SDK1: variants seen among roughly 807,000 people sequenced by gnomAD.
The protein encoded by SDK1 is sidekick cell adhesion molecule 1, also known as protein sidekick-1.
SDK1 carries 157 observed loss-of-function variants against 245.5 expected under a neutral mutation model. The ratio of observed to expected loss-of-function variants is 0.64; its 90% CI spans 0.56 to 0.73. The LOEUF is 0.73. SDK1 is among the 30% of genes least tolerant of loss of function. SDK1 has a pLI of 0.00. For missense variants in SDK1, 3,583 were observed against 3,002.3 expected, an observed-to-expected ratio of 1.19 and a Z score of -4.52; for synonymous variants, 1,647 against 1,278.5, an observed-to-expected ratio of 1.29 and a Z score of -6.15.
At chr7:3,353,503 TTC>T (rs1369783413) in intron 1 of SDK1, among the ~76,000 whole-genome samples, 1 of 152,224 alleles carries the variant, frequency 6.6e-6, no homozygotes, top group Non-Finnish European at 1.5e-5. Flanking sequence ...ATAGCATATG[TTC>T]TCTGTTTATG....
intron 4 of SDK1, among the ~76,000 whole-genome samples, chr7:3,764,409 G>A (rs1430879209): frequency 1.3e-5 from 2 of 152,180 alleles, no homozygotes; most frequent in Non-Finnish European, 2.9e-5. Flanking sequence ...TCCTAGGCCG[G>A]GCACAGTGAC....
chr7:4,262,659 C>T (rs992537347), intron 44 of SDK1, among the ~76,000 whole-genome samples: 2 of 149,018 alleles, frequency 1.3e-5, no homozygotes, highest in African/African-American at 2.5e-5. Flanking sequence ...TGATGTCACA[C>T]GATCACTTGC....
chr7:3,321,906 T>G (rs2128547653), intron 1 of SDK1, among the ~76,000 whole-genome samples: 1 of 150,498 alleles, frequency 6.6e-6, no homozygotes, highest in Admixed American at 6.6e-5. Context: ...GAGGTGAAAC[T>G]GTAGCGGAAT....
At chr7:3,826,174 A>T (rs1004826474) in intron 5 of SDK1, among the ~76,000 whole-genome samples, 1 of 152,162 alleles carries the variant, frequency 6.6e-6, no homozygotes, top group African/African-American at 2.4e-5. Flanking sequence ...GCTTTTCCGT[A>T]AACACACCAT....
Position 4,049,406 on chromosome 7 carries a change from G to A in SDK1, c.2661G>A (p.Gln887=), listed in dbSNP as rs868094731. The A allele has an allele frequency of 2.5e-6, 4 of 1,614,164 alleles. No individual in the cohort carries two copies. Among genetic ancestry groups the A allele is most frequent in the South Asian group, 2.2e-5 (2 of 91,082 alleles). ...AAGCCGTGAACTCCACCACCATTCA[G>A]TTCCTGTGGAACCCTCCGCCTCAGC... is the stretch of plus-strand genomic sequence containing the variant. ...QTEAVNSTTI[Q]FLWNPPPQQF... The change falls in exon 18 of 45, where the codon CAG becomes CAA. Residue 887 remains glutamine, a synonymous_variant. Transcript: ENST00000404826.
chr7:3,990,787 C>G (rs1258221095), intron 14 of SDK1, among the ~76,000 whole-genome samples: 1 of 152,218 alleles, frequency 6.6e-6, no homozygotes, highest in African/African-American at 2.4e-5. Flanking sequence ...GGACCGTCTT[C>G]CAAAACAGAG....
In SDK1 at chr7:3,813,051, G is replaced by A. The variant is rs17150756; in HGVS notation, c.714-8399G>A. Among the ~76,000 whole-genome samples, 753 of 152,238 alleles carry A rather than the reference G, an allele frequency of 4.9e-3. 7 individuals carry two copies. The highest frequency in any genetic ancestry group is 0.018 in the African/African-American group (730 of 41,552). On this transcript the variant is annotated intron_variant, in intron 4 of 44. Transcript: ENST00000404826. Reference sequence around the variant, plus strand: ...ACTCTGGCGACTTAACATGTACTGAGCATTCAGGGACTCATTAGTGCCAAA... The same window carrying A: ...ACTCTGGCGACTTAACATGTACTGAACATTCAGGGACTCATTAGTGCCAAA...
chr7:3,854,659 A>G (rs892667173), intron 5 of SDK1, among the ~76,000 whole-genome samples: 4 of 152,226 alleles, frequency 2.6e-5, no homozygotes, highest in Non-Finnish European at 5.9e-5. Flanking sequence ...AAAACATAGA[A>G]GTGACAATTT....
At chr7:3,677,365 G>T (rs190826419) in intron 4 of SDK1, among the ~76,000 whole-genome samples, 1 of 152,330 alleles carries the variant, frequency 6.6e-6, no homozygotes, top group East Asian at 1.9e-4. Flanking sequence ...AATTTATAAA[G>T]GAAAGAGTTT....
intron 44 of SDK1, among the ~76,000 whole-genome samples, chr7:4,252,747 C>G (rs534851862): frequency 2.0e-5 from 3 of 151,498 alleles, no homozygotes; most frequent in African/African-American, 7.3e-5. Flanking sequence ...GTGAAGTCCT[C>G]TGGTCTCGGG....
chr7:3,439,385 A>G (rs982891800), intron 1 of SDK1, among the ~76,000 whole-genome samples: 6 of 152,202 alleles, frequency 3.9e-5, no homozygotes, highest in Non-Finnish European at 7.3e-5. Context: ...CTGTTCCTCT[A>G]GAGACTACTG....
At chr7:4,062,268 A>C (rs1284338590) in intron 19 of SDK1, among the ~76,000 whole-genome samples, 1 of 152,200 alleles carries the variant, frequency 6.6e-6, no homozygotes, top group African/African-American at 2.4e-5. Flanking sequence ...TCAGAAATGC[A>C]AAAGGAGACA....
At chr7:3,396,895 A>G (rs1016381746) in intron 1 of SDK1, among the ~76,000 whole-genome samples, 2 of 151,442 alleles carry the variant, frequency 1.3e-5, no homozygotes, top group Non-Finnish European at 3.0e-5. Context: ...CCTTTTCATT[A>G]TATGTTTTCT....
At chr7:4,067,997 C>G in intron 20 of SDK1, 61 bp downstream of exon 20, 1 of 1,273,182 alleles carries the variant, frequency 7.9e-7, no homozygotes. Context: ...AAAGAAGTGG[C>G]TGTCACTTCA....
intron 5 of SDK1, among the ~76,000 whole-genome samples, chr7:3,838,829 C>A (rs1258011623): frequency 1.3e-5 from 2 of 152,100 alleles, no homozygotes; most frequent in Admixed American, 1.3e-4. Flanking sequence ...GTAGAGAAAT[C>A]CTTTAATATA....
chr7:4,176,082 A>G (rs1446273685), intron 34 of SDK1, among the ~76,000 whole-genome samples: 5 of 152,086 alleles, frequency 3.3e-5, no homozygotes, highest in Non-Finnish European at 7.3e-5. Context: ...AAAGCCAGAT[A>G]GAACAAGATC....
intron 4 of SDK1, among the ~76,000 whole-genome samples, chr7:3,718,962 G>A (rs961558229): frequency 5.3e-5 from 8 of 152,222 alleles, no homozygotes; most frequent in South Asian, 4.1e-4. Context: ...AATCCATCAC[G>A]TTTCTATATA....
chr7:3,728,012 G>C (rs938771349), intron 4 of SDK1, among the ~76,000 whole-genome samples: 2 of 152,132 alleles, frequency 1.3e-5, no homozygotes, highest in African/African-American at 4.8e-5. Context: ...GTTTGAAGGG[G>C]CACTGGTTAG....
Position 4,079,492 on chromosome 7 carries a change from A to C in SDK1, c.3232A>C (p.Ile1078Leu), listed in dbSNP as rs749235972. ...DLPGAPSNLV[I>L]SNISPRSATL... The stretch of plus-strand genomic sequence containing the variant: ...TCCTGGTGCCCCATCCAACCTGGTC[A>C]TTTCCAACATCAGCCCTCGCTCCGC... Residue 1078 changes from isoleucine (I) to leucine (L), a missense_variant, in exon 22 of 45, where the codon ATT becomes CTT. Physicochemically the swap from Ile to Leu is conservative, Grantham distance 5. Coordinates refer to ENST00000404826, the MANE Select transcript of SDK1 (RefSeq NM_152744.4). 3 of 1,614,224 alleles carry C rather than the reference A, an allele frequency of 1.9e-6. No individual in the cohort carries two copies. The highest frequency in any genetic ancestry group is 2.5e-6 in the Non-Finnish European group (3 of 1,180,040).
Sources: gnomAD v4.1 joint callset for allele counts (sites outside exome capture counted in the v4.1 genomes callset) on GRCh38, gnomAD v4.1.1 for gene constraint, MANE v1.5 for transcripts, NCBI Gene and HGNC (gene_info 2026-07-23, HGNC 2026-07-21) for gene names.